SGCD: variants seen among roughly 807,000 people sequenced by gnomAD.
SGCD encodes sarcoglycan delta, also known as delta-sarcoglycan.
SGCD carries 18 observed loss-of-function variants against 36.6 expected under a neutral mutation model. The ratio of observed to expected loss-of-function variants is 0.49; its 90% confidence interval spans 0.34 to 0.73. The LOEUF is 0.73. Ranked by LOEUF, SGCD falls within the 30% of genes least tolerant of loss-of-function variation. SGCD has a pLI of 0.01. For missense variants in SGCD, 387 were observed against 346.7 expected (o/e 1.12, Z -0.92); for synonymous variants, 133 against 130.6 (o/e 1.02, Z -0.12).
intron 1 of SGCD, among the ~76,000 whole-genome samples, chr5:156,056,327 T>A (rs1760055207): frequency 6.8e-6 from 1 of 146,108 alleles, no homozygotes; most frequent in Non-Finnish European, 1.5e-5. Flanking sequence ...GGGACCAGAC[T>A]GCCTTTGTAG....
chr5:156,487,813 A>AAGAG (rs1554107840), intron 3 of SGCD, among the ~76,000 whole-genome samples: 2 of 77,798 alleles, frequency 2.6e-5, no homozygotes, highest in African/African-American at 4.4e-5. Flanking sequence ...AAAAAAAAAA[A>AAGAG]AAAGAAAGAA....
At chr5:155,832,567 G>A in the SGCD span, among the ~76,000 whole-genome samples, 1 of 152,086 alleles carries the variant, frequency 6.6e-6, no homozygotes, top group African/African-American at 2.4e-5. Context: ...CTGAGTTAGG[G>A]ATTCTAGTCT....
intron 3 of SGCD, among the ~76,000 whole-genome samples, chr5:156,490,168 G>T (rs1755871975): frequency 6.6e-6 from 1 of 151,924 alleles, no homozygotes; most frequent in African/African-American, 2.4e-5. Context: ...GGAAGATACA[G>T]AAAACACGAA....
chr5:156,671,969 A>C (rs1399689642), intron 7 of SGCD, among the ~76,000 whole-genome samples: 3 of 152,170 alleles, frequency 2.0e-5, no homozygotes, highest in Non-Finnish European at 4.4e-5. Flanking sequence ...TGAGAACTCC[A>C]CTGTGAAGGC....
At chr5:155,932,464 T>C (rs1051043621) in intron 1 of SGCD, among the ~76,000 whole-genome samples, 1 of 152,148 alleles carries the variant, frequency 6.6e-6, no homozygotes, top group Non-Finnish European at 1.5e-5. Context: ...TCATGAGAAA[T>C]ATATTTAAGT....
intron 4 of SGCD, among the ~76,000 whole-genome samples, chr5:156,515,385 C>G (rs2127886390): frequency 6.6e-6 from 1 of 152,246 alleles, no homozygotes; most frequent in Admixed American, 6.5e-5. Flanking sequence ...TTAGAAGCAG[C>G]TGTGGATGGC....
At chr5:156,575,585 C>A (rs940948783) in intron 4 of SGCD, among the ~76,000 whole-genome samples, 1 of 152,142 alleles carries the variant, frequency 6.6e-6, no homozygotes, top group African/African-American at 2.4e-5. Flanking sequence ...AGACATTAAG[C>A]CATCCAACAA....
rs182528754 is a variant in SGCD at position 156,507,283 on chromosome 5, G to A, written c.193-1318G>A. Among the ~76,000 whole-genome samples, 57 of 152,266 alleles carry A rather than the reference G, an allele frequency of 3.7e-4. 1 individual carries two copies. The highest frequency in any genetic ancestry group is 1.3e-3 in the African/African-American group (54 of 41,552). ...TACAGAAGATTCAGAGTCAAGAGTG[G>A]TTTTACATGAGAAAAACTCAATCAG... On this transcript the variant is annotated intron_variant, in intron 3 of 8. Transcript: ENST00000337851.
chr5:155,931,803 T>C (rs1469730269), intron 1 of SGCD, among the ~76,000 whole-genome samples: 1 of 152,178 alleles, frequency 6.6e-6, no homozygotes, highest in East Asian at 1.9e-4. Flanking sequence ...CTTAGTCCAT[T>C]TGGGCTGCTG....
At chr5:155,801,170 T>A in the SGCD span, among the ~76,000 whole-genome samples, 484 of 152,266 alleles carry the variant, frequency 3.2e-3, 5 homozygotes, top group African/African-American at 9.9e-3. Context: ...TCACTAGGAC[T>A]CAAGTTTGGT....
intron 4 of SGCD, among the ~76,000 whole-genome samples, chr5:156,581,922 G>C (rs966911463): frequency 2.0e-5 from 3 of 152,072 alleles, no homozygotes; most frequent in Admixed American, 2.0e-4. Flanking sequence ...CCCTCCATAG[G>C]CTGCACCCAC....
At chr5:155,918,301 G>A (rs145650230) in intron 1 of SGCD, among the ~76,000 whole-genome samples, 6 of 152,302 alleles carry the variant, frequency 3.9e-5, no homozygotes, top group East Asian at 1.9e-4. Context: ...AGTGGCTCAC[G>A]CCTGTAATCC....
intron 1 of SGCD, among the ~76,000 whole-genome samples, chr5:156,114,641 C>T (rs945570124): frequency 6.6e-6 from 1 of 152,040 alleles, no homozygotes; most frequent in Non-Finnish European, 1.5e-5. Flanking sequence ...TGGCTAGTCC[C>T]TAAGGCCCCA....
chr5:156,494,134 A>C (rs1034313877), intron 3 of SGCD, among the ~76,000 whole-genome samples: 2 of 152,132 alleles, frequency 1.3e-5, no homozygotes, highest in Admixed American at 6.6e-5. Context: ...TGGGGCCAGC[A>C]GTCACTATAG....
At chr5:155,870,368 G>A (rs910371226) in exon 1 of SGCD, 1 of 152,188 alleles carries the variant, frequency 6.6e-6, no homozygotes, top group Non-Finnish European at 1.5e-5. Context: ...AGCTGGGAGG[G>A]TCACAGTATC....
chr5:156,593,301 A>C (rs1760796649), intron 5 of SGCD, among the ~76,000 whole-genome samples: 1 of 152,152 alleles, frequency 6.6e-6, no homozygotes, highest in African/African-American at 2.4e-5. Context: ...CTATCAGCCC[A>C]GCCTTAGCAT....
At chr5:155,877,098 C>T (rs1755782552) in intron 1 of SGCD, among the ~76,000 whole-genome samples, 1 of 151,988 alleles carries the variant, frequency 6.6e-6, no homozygotes, top group Admixed American at 6.6e-5. Flanking sequence ...TCTTATGGGC[C>T]TTAAAAAAAT....
chr5:156,514,036 G>A (rs977016936), intron 4 of SGCD, among the ~76,000 whole-genome samples: 1 of 152,232 alleles, frequency 6.6e-6, no homozygotes, highest in Non-Finnish European at 1.5e-5. Context: ...CTCTATGTTT[G>A]AATGCTATTT....
At chr5:156,139,591 C>T (rs1160930133) in intron 3 of SGCD, among the ~76,000 whole-genome samples, 2 of 152,058 alleles carry the variant, frequency 1.3e-5, no homozygotes, top group Non-Finnish European at 2.9e-5. Context: ...TCTTTAATAC[C>T]TTTAAAGAAA....
Sources: gnomAD v4.1 joint callset for allele counts (sites outside exome capture counted in the v4.1 genomes callset) on GRCh38, gnomAD v4.1.1 for gene constraint, MANE v1.5 for transcripts, NCBI Gene and HGNC (gene_info 2026-07-23, HGNC 2026-07-21) for gene names.